The following DCDC2 variants were observed in gnomAD, a reference collection of about 807,000 sequenced individuals.
The protein encoded by DCDC2 is doublecortin domain-containing protein 2.
DCDC2 carries 40 observed loss-of-function variants against 50.2 expected under a neutral mutation model. That is an observed-to-expected ratio of 0.80 (90% confidence interval 0.62 to 1.04). DCDC2 has a LOEUF of 1.04. DCDC2 is among the 50% of genes least tolerant of loss of function. DCDC2 has a pLI of 0.00. For synonymous variants in DCDC2, 234 were observed against 210.6 expected (o/e 1.11, Z -0.96); for missense variants, 570 against 581.9 (o/e 0.98, Z 0.21).
chr6:24,221,710 G>A (rs1762122210), intron 7 of DCDC2, among the ~76,000 whole-genome samples: 1 of 152,192 alleles, frequency 6.6e-6, no homozygotes, highest in African/African-American at 2.4e-5. Context: ...CCTGTGAAGT[G>A]GATATTTTTA....
chr6:24,330,264 T>C (rs866550443), intron 2 of DCDC2, among the ~76,000 whole-genome samples: 10 of 152,174 alleles, frequency 6.6e-5, no homozygotes, highest in Admixed American at 3.3e-4. Context: ...GTTGTGGCAA[T>C]TACGTTTCCA....
At chr6:24,233,591 T>G (rs1005353759) in intron 7 of DCDC2, among the ~76,000 whole-genome samples, 1 of 152,190 alleles carries the variant, frequency 6.6e-6, no homozygotes, top group Non-Finnish European at 1.5e-5. Flanking sequence ...AAAATAGCCA[T>G]GTAAAAGTGT....
chr6:24,212,256 G>A (rs1257687230), intron 7 of DCDC2, among the ~76,000 whole-genome samples: 5 of 152,170 alleles, frequency 3.3e-5, no homozygotes, highest in Non-Finnish European at 7.3e-5. Context: ...TGCAATAAAT[G>A]TTGGGAAGCG....
chr6:24,248,249 A>C (rs1293898442), intron 7 of DCDC2, among the ~76,000 whole-genome samples: 2 of 152,172 alleles, frequency 1.3e-5, no homozygotes, highest in Non-Finnish European at 2.9e-5. Flanking sequence ...TGTAGCCACC[A>C]TTATTACCAC....
intron 8 of DCDC2, among the ~76,000 whole-genome samples, chr6:24,178,991 C>T (rs1027704433): frequency 5.3e-5 from 8 of 152,106 alleles, no homozygotes; most frequent in South Asian, 2.1e-4. Flanking sequence ...AAAGCCAAAC[C>T]GCAAGGTCCT....
chr6:24,318,362 C>T (rs1038601838), intron 2 of DCDC2, among the ~76,000 whole-genome samples: 6 of 151,940 alleles, frequency 3.9e-5, no homozygotes, highest in African/African-American at 1.4e-4. Context: ...GGAGAGGTTT[C>T]CAAGACATAC....
At chr6:24,297,455 C>T (rs937249733) in intron 4 of DCDC2, among the ~76,000 whole-genome samples, 1 of 151,958 alleles carries the variant, frequency 6.6e-6, no homozygotes, top group African/African-American at 2.4e-5. Context: ...TACCCGTGAA[C>T]CTAAAATACA....
At position 24,266,683 on chromosome 6, in the gene DCDC2, A is replaced by G. The variant is rs571246553; in HGVS notation, c.922+11366T>C. Among the ~76,000 whole-genome samples the G allele has an allele frequency of 3.3e-5, 5 of 152,288 alleles. No individual in the cohort carries two copies. In the South Asian group the frequency reaches 1.0e-3, roughly 32 times the overall value. ...CAATAAGGGATGCTGGCAAAGATGT[A>G]GAGAAAAGGGAATACTTGTATACTG... On this transcript the variant is annotated intron_variant, in intron 7 of 9. Transcript: ENST00000378454.
At chr6:24,300,439 C>T (rs774888481) in intron 4 of DCDC2, among the ~76,000 whole-genome samples, 12 of 151,996 alleles carry the variant, frequency 7.9e-5, no homozygotes, top group Non-Finnish European at 1.5e-4. Flanking sequence ...AGAATATTTC[C>T]GGGATGATGC....
At chr6:24,183,569 G>A (rs1250931042) in intron 8 of DCDC2, among the ~76,000 whole-genome samples, 1 of 152,104 alleles carries the variant, frequency 6.6e-6, no homozygotes, top group Non-Finnish European at 1.5e-5. Flanking sequence ...AAAGCCCTGT[G>A]GACCCTTGGC....
At position 24,171,786 on chromosome 6, in the gene DCDC2, T is replaced by C. The variant is rs1329141322; in HGVS notation, c.*2944A>G. On this transcript the variant is annotated 3_prime_UTR_variant, in exon 10 of 10. Coordinates refer to ENST00000378454, the MANE Select transcript of DCDC2 (RefSeq NM_016356.5). ...TTGTCAAAATCTTCTTTATTTGCTC[T>C]GTAAAACTCTTAATGCCCCAATTTT... 1 of 152,236 alleles carries C rather than the reference T, an allele frequency of 6.6e-6. No homozygotes were observed. Among genetic ancestry groups the C allele is most frequent in the Non-Finnish European group, 1.5e-5 (1 of 68,044 alleles). 9.4% of individuals were successfully genotyped at this position (152,236 alleles called of 1,614,324 possible). A position where few individuals can be genotyped will look rare whatever the true frequency, so the allele number is the denominator to read the frequency against.
At chr6:24,225,836 C>T (rs793840) in intron 7 of DCDC2, among the ~76,000 whole-genome samples, 150,724 of 152,330 alleles carry the variant, frequency 0.99, 74,585 homozygotes, top group Middle Eastern at 1. Flanking sequence ...ATCATAGCAA[C>T]TGATTTATTT....
upstream of DCDC2, among the ~76,000 whole-genome samples, chr6:24,359,442 A>G (rs1361814730): frequency 9.9e-5 from 7 of 70,442 alleles, no homozygotes; most frequent in African/African-American, 4.5e-4. Flanking sequence ...TATATACTAT[A>G]TAGTATATAT....
At chr6:24,267,127 C>T (rs1763138425) in intron 7 of DCDC2, among the ~76,000 whole-genome samples, 1 of 152,040 alleles carries the variant, frequency 6.6e-6, no homozygotes. Context: ...CACGAAGATA[C>T]AGAGTAGAAT....
chr6:24,353,083 G>A (rs549220527), intron 2 of DCDC2: 14 of 284,648 alleles, frequency 4.9e-5, no homozygotes, highest in African/African-American at 2.7e-4. Flanking sequence ...CTCGTACTTC[G>A]ATAGAAGCTA....
intron 2 of DCDC2, among the ~76,000 whole-genome samples, chr6:24,329,990 CT>C (rs1424338524): frequency 6.6e-6 from 1 of 152,056 alleles, no homozygotes; most frequent in Non-Finnish European, 1.5e-5. Context: ...TACTTTACCC[CT>C]CAAATGAAAA....
chr6:24,193,626 G>A (rs1170609601), intron 8 of DCDC2, among the ~76,000 whole-genome samples: 6 of 152,068 alleles, frequency 3.9e-5, no homozygotes, highest in Admixed American at 1.3e-4. Flanking sequence ...AATGTAACTA[G>A]AGTACACCTA....
intron 8 of DCDC2, among the ~76,000 whole-genome samples, chr6:24,188,040 A>C (rs1005671179): frequency 7.2e-5 from 11 of 152,244 alleles, no homozygotes; most frequent in Non-Finnish European, 1.2e-4. Context: ...GAGCAAAGAC[A>C]TATTTATGTT....
rs3077132 is a variant in DCDC2 at position 24,289,971 on chromosome 6, CTTTTTTTTTTTTTTTTTTTTTTT to C, written c.704+938_704+960del. On this transcript the variant is annotated intron_variant, in intron 5 of 9. Coordinates refer to ENST00000378454, the MANE Select transcript of DCDC2 (RefSeq NM_016356.5). Reference sequence around the variant, plus strand: ...TCCTGCAGCATGGGCCAGAGCTCTTCTTTTTTTTTTTTTTTTTTTTTTTTTTTTTTTTTTTTTTTTGAGACGGA... The same window carrying C: ...TCCTGCAGCATGGGCCAGAGCTCTTCTTTTTTTTTTTTTTTTTGAGACGGA... Among the ~76,000 whole-genome samples the C allele has an allele frequency of 3.2e-3, 194 of 61,048 alleles. 8 individuals carry two copies. Among genetic ancestry groups the C allele is most frequent in the African/African-American group, 4.2e-3 (82 of 19,316 alleles). The allele number at this position is 61,048 out of a possible 152,430, so 40.0% of individuals were successfully genotyped here.
Sources: allele counts gnomAD v4.1 joint callset (sites outside exome capture counted in the v4.1 genomes callset), GRCh38; gene constraint gnomAD v4.1.1; transcripts MANE v1.5; gene names NCBI Gene and HGNC (gene_info 2026-07-23, HGNC 2026-07-21).